The following WWOX variants were observed in gnomAD, a reference collection of about 807,000 sequenced individuals.
WWOX encodes WW domain containing oxidoreductase.
WWOX carries 69 observed loss-of-function variants against 46.2 expected under a neutral mutation model. The observed-to-expected ratio is 1.49, with a 90% CI of 1.23 to 1.82. The LOEUF (loss-of-function observed/expected upper bound fraction) is 1.82, where lower values mean the gene tolerates loss of function less well. WWOX is among the 40% of genes most tolerant of loss of function. WWOX has a pLI of 0.00. For synonymous variants in WWOX, 359 were observed against 202.6 expected, an observed-to-expected ratio of 1.77 and a Z score of -6.56; for missense variants, 919 against 542.6, an observed-to-expected ratio of 1.69 and a Z score of -6.89.
intron 8 of WWOX, among the ~76,000 whole-genome samples, chr16:78,443,858 A>T (rs1355210181): frequency 6.6e-6 from 1 of 151,476 alleles, no homozygotes; most frequent in African/African-American, 2.4e-5. Context: ...CTTTTCTCCA[A>T]TTTCATACTT....
chr16:78,111,189 T>G (rs1210650234), intron 3 of WWOX, among the ~76,000 whole-genome samples: 1 of 152,140 alleles, frequency 6.6e-6, no homozygotes, highest in Non-Finnish European at 1.5e-5. Context: ...ACTTTCATTT[T>G]ATGTGGGCGA....
chr16:79,190,422 C>T (rs1397414053), intron 8 of WWOX, among the ~76,000 whole-genome samples: 1 of 152,126 alleles, frequency 6.6e-6, no homozygotes, highest in African/African-American at 2.4e-5. Flanking sequence ...CCAAAGACCA[C>T]TGGACTTTGG....
intron 8 of WWOX, among the ~76,000 whole-genome samples, chr16:79,099,593 T>TGAGAGAGA (rs10598848): frequency 4.0e-5 from 6 of 148,856 alleles, no homozygotes; most frequent in African/African-American, 1.2e-4. Flanking sequence ...TGTGTGTTTG[T>TGAGAGAGA]GAGAGAGAGA....
chr16:78,106,017 G>T (rs2032117835), intron 1 of WWOX, among the ~76,000 whole-genome samples: 2 of 152,084 alleles, frequency 1.3e-5, no homozygotes, highest in African/African-American at 4.8e-5. Flanking sequence ...GCCTAGGCTG[G>T]TCTCGATCTC....
chr16:78,615,120 GT>G (rs1372698186), intron 8 of WWOX, among the ~76,000 whole-genome samples: 1 of 152,128 alleles, frequency 6.6e-6, no homozygotes, highest in Non-Finnish European at 1.5e-5. Flanking sequence ...ATTTGTACAA[GT>G]TTATATTTTT....
At chr16:78,321,963 C>A (rs2080493656) in intron 5 of WWOX, among the ~76,000 whole-genome samples, 1 of 152,166 alleles carries the variant, frequency 6.6e-6, no homozygotes, top group Non-Finnish European at 1.5e-5. Flanking sequence ...AAGTGACAGA[C>A]CTGCAGAGAC....
At chr16:78,868,324 A>G (rs1422723096) in intron 8 of WWOX, among the ~76,000 whole-genome samples, 1 of 152,110 alleles carries the variant, frequency 6.6e-6, no homozygotes, top group Admixed American at 6.6e-5. Context: ...TTTCTAGAAA[A>G]GATGAAACTC....
intron 8 of WWOX, among the ~76,000 whole-genome samples, chr16:78,991,163 G>T (rs2046879335): frequency 6.6e-6 from 1 of 152,190 alleles, no homozygotes; most frequent in African/African-American, 2.4e-5. Flanking sequence ...TTCAGCCCTT[G>T]TCAAAGTCAA....
chr16:79,073,554 G>T (rs1471594741), intron 8 of WWOX, among the ~76,000 whole-genome samples: 4 of 152,162 alleles, frequency 2.6e-5, no homozygotes, highest in East Asian at 3.9e-4. Context: ...GACAGCCGTA[G>T]ACTTTGTTTC....
chr16:78,797,013 C>T (rs1483224090), intron 8 of WWOX, among the ~76,000 whole-genome samples: 2 of 151,700 alleles, frequency 1.3e-5, no homozygotes, highest in African/African-American at 2.4e-5. Context: ...TTTAGTAGTG[C>T]CGGGGTTTCA....
intron 8 of WWOX, among the ~76,000 whole-genome samples, chr16:78,836,486 C>T (rs1007857959): frequency 6.6e-6 from 1 of 152,170 alleles, no homozygotes; most frequent in Non-Finnish European, 1.5e-5. Context: ...CTAGTAGGAT[C>T]TCACATTGGT....
chr16:78,966,599 T>C (rs1321099102), intron 8 of WWOX, among the ~76,000 whole-genome samples: 2 of 152,202 alleles, frequency 1.3e-5, no homozygotes, highest in African/African-American at 4.8e-5. Flanking sequence ...AAGTAACATG[T>C]GAATGTTTTG....
intron 8 of WWOX, among the ~76,000 whole-genome samples, chr16:78,867,072 A>T (rs912268927): frequency 6.6e-6 from 1 of 152,180 alleles, no homozygotes; most frequent in Non-Finnish European, 1.5e-5. Flanking sequence ...AAGTATTCAC[A>T]ATTGGAGAAG....
chr16:78,846,218 C>T (rs992421250), intron 8 of WWOX, among the ~76,000 whole-genome samples: 1 of 152,210 alleles, frequency 6.6e-6, no homozygotes, highest in Non-Finnish European at 1.5e-5. Flanking sequence ...ACTCTTCACT[C>T]AGCTTCCCCT....
intron 8 of WWOX, among the ~76,000 whole-genome samples, chr16:78,999,145 C>CTTT (rs761357136): frequency 0.016 from 2,196 of 141,432 alleles, 58 homozygotes; most frequent in African/African-American, 0.054. Context: ...GATGCTTCTT[C>CTTT]TTTTTTTTTT....
intron 8 of WWOX, among the ~76,000 whole-genome samples, chr16:78,575,375 C>G (rs1184160154): frequency 6.6e-6 from 1 of 151,608 alleles, no homozygotes; most frequent in African/African-American, 2.4e-5. Context: ...TGAAATAGCC[C>G]TATCTCCAGG....
rs572968449 is a variant in WWOX, at chr16:78,597,985, A to G, written c.1056+165233A>G. Among the ~76,000 whole-genome samples, 9 of 152,168 alleles carry G rather than the reference A, an allele frequency of 5.9e-5. No homozygotes were observed. The East Asian group carries it at 1.7e-3, about 29-fold the overall frequency. On this transcript the variant is annotated intron_variant, in intron 8 of 8. Transcript: ENST00000566780. ...TTAATAGTGTAGCTTTAGAAATGCA[A>G]TTTTCAGCCTCTGCTTATTAGAATA... is the stretch of plus-strand genomic sequence containing the variant.
At chr16:78,218,158 G>T (rs939511511) in intron 5 of WWOX, among the ~76,000 whole-genome samples, 1 of 152,066 alleles carries the variant, frequency 6.6e-6, no homozygotes, top group Admixed American at 6.6e-5. Context: ...AGACTGAAGC[G>T]ATCCTCCTGC....
intron 5 of WWOX, among the ~76,000 whole-genome samples, chr16:78,347,988 A>T (rs1262876571): frequency 8.1e-6 from 1 of 122,936 alleles, no homozygotes; most frequent in Admixed American, 7.8e-5. Context: ...TTTTAAAATC[A>T]TGCCCAAGTT....
Sources: gnomAD v4.1 joint callset for allele counts (sites outside exome capture counted in the v4.1 genomes callset) on GRCh38, gnomAD v4.1.1 for gene constraint, MANE v1.5 for transcripts, NCBI Gene and HGNC (gene_info 2026-07-23, HGNC 2026-07-21) for gene names.